AOPEP: variants seen among roughly 807,000 people sequenced by gnomAD.
AOPEP encodes aminopeptidase O.
In AOPEP, 77 loss-of-function variants were observed where a neutral mutation model predicts 98.1. That is an observed-to-expected ratio of 0.78 (90% confidence interval 0.65 to 0.95). The LOEUF is 0.95. Among genes scored for constraint, AOPEP ranks in the 40% least tolerant of loss-of-function variants. The pLI is 0.00. For missense variants in AOPEP, 1,024 were observed against 1,024.7 expected, an observed-to-expected ratio of 1.00 and a Z score of 0.01; for synonymous variants, 346 against 365.3, an observed-to-expected ratio of 0.95 and a Z score of 0.60.
chr9:95,094,560 A>T, the AOPEP span, among the ~76,000 whole-genome samples: 2 of 152,206 alleles, frequency 1.3e-5, no homozygotes, highest in Non-Finnish European at 2.9e-5. Context: ...TAGGGAGCTC[A>T]TATGAGAGGA....
intron 5 of AOPEP, among the ~76,000 whole-genome samples, chr9:94,821,970 A>AAG (rs1267606198): frequency 3.9e-4 from 55 of 141,360 alleles, no homozygotes; most frequent in Non-Finnish European, 2.7e-4. Flanking sequence ...TGTGTGTGTA[A>AAG]ACACACACAC....
At chr9:94,819,048 T>A (rs555993749) in intron 5 of AOPEP, among the ~76,000 whole-genome samples, 10 of 152,328 alleles carry the variant, frequency 6.6e-5, no homozygotes, top group African/African-American at 2.4e-4. Context: ...TACCTGATCT[T>A]CAGGGATTTG....
chr9:95,008,479 T>C (rs2062215075), intron 13 of AOPEP, among the ~76,000 whole-genome samples: 1 of 152,190 alleles, frequency 6.6e-6, no homozygotes, highest in African/African-American at 2.4e-5. Context: ...GGATGTTTGT[T>C]TTCCCCTTAA....
At chr9:94,929,400 G>A (rs1285653935) in intron 7 of AOPEP, among the ~76,000 whole-genome samples, 3 of 152,248 alleles carry the variant, frequency 2.0e-5, no homozygotes, top group Non-Finnish European at 4.4e-5. Flanking sequence ...TCGCCTGACT[G>A]TGACTGAAGC....
intron 3 of AOPEP, among the ~76,000 whole-genome samples, chr9:94,786,066 A>G (rs1204968550): frequency 6.6e-6 from 1 of 152,244 alleles, no homozygotes; most frequent in Non-Finnish European, 1.5e-5. Context: ...CTTTGCCTTC[A>G]GAAAATTAGC....
At chr9:95,009,770 C>A (rs2062353870) in intron 13 of AOPEP, among the ~76,000 whole-genome samples, 1 of 152,088 alleles carries the variant, frequency 6.6e-6, no homozygotes, top group African/African-American at 2.4e-5. Flanking sequence ...TACTCTTGAG[C>A]TACTCAGTGT....
chr9:95,056,847 T>C (rs1049636093), intron 13 of AOPEP, among the ~76,000 whole-genome samples: 3 of 152,246 alleles, frequency 2.0e-5, no homozygotes, highest in African/African-American at 7.2e-5. Context: ...CTGACCTCGT[T>C]TAGCATTTTA....
chr9:94,729,402 A>G (rs1829992284), intron 1 of AOPEP, among the ~76,000 whole-genome samples: 1 of 152,006 alleles, frequency 6.6e-6, no homozygotes, highest in African/African-American at 2.4e-5. Flanking sequence ...AAATCCTGCC[A>G]CTACGAAAAA....
At chr9:94,762,964 C>T (rs1400391933) in intron 2 of AOPEP, among the ~76,000 whole-genome samples, 1 of 152,114 alleles carries the variant, frequency 6.6e-6, no homozygotes, top group African/African-American at 2.4e-5. Context: ...GCGTGAAAAA[C>T]ATAACTAGCT....
At chr9:94,811,331 G>A (rs1850538167) in intron 5 of AOPEP, among the ~76,000 whole-genome samples, 1 of 152,188 alleles carries the variant, frequency 6.6e-6, no homozygotes, top group Admixed American at 6.5e-5. Flanking sequence ...CAGCAGGCAG[G>A]CATGAGGTCC....
chr9:94,845,330 A>G (rs2042728584), intron 5 of AOPEP, among the ~76,000 whole-genome samples: 1 of 152,250 alleles, frequency 6.6e-6, no homozygotes, highest in Admixed American at 6.5e-5. Context: ...CTGGTGTTGA[A>G]TGAACGAGGG....
At chr9:94,740,783 A>G (rs752056331) in intron 1 of AOPEP, among the ~76,000 whole-genome samples, 9 of 152,212 alleles carry the variant, frequency 5.9e-5, no homozygotes, top group Non-Finnish European at 1.2e-4. Flanking sequence ...CATCAGTTAC[A>G]AACTGTGTAA....
chr9:94,955,277 A>C lies in AOPEP; in HGVS notation c.1762A>C (p.Lys588Gln). ...EKIFMQVHYL[K>Q]GYFLLRFLAK... ...GATCTTCATGCAGGTGCATTATTTA[A>C]AGGTAAGCACATGTCAGTTGCAGAA... Residue 588 changes from lysine (K) to glutamine (Q), a missense_variant and splice_region_variant, in exon 8 of 17, where the codon AAG becomes CAG. Around this residue, in one of 3 missense-constraint regions of AOPEP, gnomAD observed 566 missense variants for 551.7 expected, o/e 1.03. Coordinates refer to ENST00000375315, the MANE Select transcript of AOPEP (RefSeq NM_001193329.3). The C allele has an allele frequency of 6.2e-7, 1 of 1,604,800 alleles. No individual in the cohort carries two copies. Among genetic ancestry groups the C allele is most frequent in the Non-Finnish European group, 8.5e-7 (1 of 1,172,918 alleles).
At chr9:94,874,120 A>G (rs901810465) in intron 5 of AOPEP, among the ~76,000 whole-genome samples, 5 of 152,178 alleles carry the variant, frequency 3.3e-5, no homozygotes, top group Non-Finnish European at 7.4e-5. Context: ...TGTGATTAGA[A>G]ATTTTTGTAT....
chr9:94,749,900 ATTTC>A (rs918705913), intron 1 of AOPEP, among the ~76,000 whole-genome samples: 33 of 146,010 alleles, frequency 2.3e-4, no homozygotes, highest in Middle Eastern at 3.5e-3. Flanking sequence ...ATGTTTTCTT[ATTTC>A]TTTTATGTCT....
intron 10 of AOPEP, among the ~76,000 whole-genome samples, chr9:94,970,423 A>G (rs916692172): frequency 6.6e-6 from 1 of 152,130 alleles, no homozygotes; most frequent in Non-Finnish European, 1.5e-5. Context: ...ATGTGTTTTT[A>G]TGCCCACTAT....
intron 5 of AOPEP, among the ~76,000 whole-genome samples, chr9:94,888,663 T>TGGAA (rs1162876105): frequency 6.6e-6 from 1 of 152,040 alleles, no homozygotes; most frequent in Non-Finnish European, 1.5e-5. Flanking sequence ...TTTTTTGTAG[T>TGGAA]GGAAGGTGAG....
chr9:94,821,582 G>C (rs559616093), intron 5 of AOPEP, among the ~76,000 whole-genome samples: 1 of 152,186 alleles, frequency 6.6e-6, no homozygotes, highest in African/African-American at 2.4e-5. Context: ...GAATTTCCAG[G>C]CTCCTCAAGG....
At chr9:95,134,131 A>G in the AOPEP span, among the ~76,000 whole-genome samples, 3 of 152,220 alleles carry the variant, frequency 2.0e-5, no homozygotes, top group Non-Finnish European at 4.4e-5. Context: ...CAGCACCTGC[A>G]ACCCTATGCA....
Sources: allele counts gnomAD v4.1 joint callset (sites outside exome capture counted in the v4.1 genomes callset), GRCh38; gene constraint gnomAD v4.1.1; regional missense constraint gnomAD v4.1.1; transcripts MANE v1.5; gene names NCBI Gene and HGNC (gene_info 2026-07-23, HGNC 2026-07-21).